The following C9orf85 variants were observed in gnomAD, a reference collection of about 807,000 sequenced individuals.
The protein encoded by C9orf85 is uncharacterized protein C9orf85.
Under a neutral mutation model 14.9 loss-of-function variants are expected in C9orf85, and 16 were observed. The ratio of observed to expected loss-of-function variants is 1.08; its 90% confidence interval spans 0.73 to 1.63. The LOEUF (loss-of-function observed/expected upper bound fraction) is 1.63, where lower values mean the gene tolerates loss of function less well. Ranked by LOEUF, C9orf85 falls within the 40% of genes most tolerant of loss-of-function variation. C9orf85 has a pLI of 0.00. For synonymous variants in C9orf85, 45 were observed against 56.8 expected, an observed-to-expected ratio of 0.79 and a Z score of 0.93; for missense variants, 172 against 186.1, an observed-to-expected ratio of 0.92 and a Z score of 0.44.
chr9:71,955,348 G>A (rs552459267), intron 2 of C9orf85, among the ~76,000 whole-genome samples: 2 of 152,094 alleles, frequency 1.3e-5, no homozygotes, highest in Admixed American at 6.6e-5. Flanking sequence ...GTTTAATTGA[G>A]CAAAGAATGA....
At chr9:71,964,336 C>T (rs556832874) in intron 2 of C9orf85, among the ~76,000 whole-genome samples, 1 of 152,188 alleles carries the variant, frequency 6.6e-6, no homozygotes, top group East Asian at 1.9e-4. Context: ...TGGCAACCTG[C>T]TGGGGTCCCC....
At chr9:71,918,226 AGTT>A (rs1257976369) in intron 1 of C9orf85, among the ~76,000 whole-genome samples, 5 of 152,176 alleles carry the variant, frequency 3.3e-5, no homozygotes, top group Non-Finnish European at 4.4e-5. Flanking sequence ...GATGTTTTAA[AGTT>A]CTGTTTTTGT....
At chr9:71,941,142 A>G (rs1821918996) in intron 1 of C9orf85, among the ~76,000 whole-genome samples, 1 of 152,224 alleles carries the variant, frequency 6.6e-6, no homozygotes, top group African/African-American at 2.4e-5. Flanking sequence ...TAAGCTGACG[A>G]TCTTTTTTAA....
chr9:71,974,544 A>G (rs906399310), downstream of C9orf85, among the ~76,000 whole-genome samples: 1 of 152,058 alleles, frequency 6.6e-6, no homozygotes, highest in Admixed American at 6.6e-5. Context: ...CATCTGGCCC[A>G]TAGTTTGTTT....
intron 2 of C9orf85, among the ~76,000 whole-genome samples, chr9:71,955,712 T>C (rs1822365204): frequency 6.6e-6 from 1 of 152,178 alleles, no homozygotes; most frequent in South Asian, 2.1e-4. Flanking sequence ...CCCAGGCAGC[T>C]TTAGGCCAAA....
chr9:71,930,340 A>G (rs1366785287), intron 1 of C9orf85, among the ~76,000 whole-genome samples: 1 of 152,138 alleles, frequency 6.6e-6, no homozygotes, highest in Non-Finnish European at 1.5e-5. Context: ...TCATGCATAT[A>G]GCTATATTTC....
intron 1 of C9orf85, among the ~76,000 whole-genome samples, chr9:71,935,722 G>A (rs969843901): frequency 6.6e-6 from 1 of 152,014 alleles, no homozygotes; most frequent in Non-Finnish European, 1.5e-5. Flanking sequence ...TGGAATGATC[G>A]TTGCCAGGGG....
intron 2 of C9orf85, among the ~76,000 whole-genome samples, chr9:71,951,096 G>A (rs1255337742): frequency 6.6e-6 from 1 of 152,090 alleles, no homozygotes; most frequent in African/African-American, 2.4e-5. Context: ...AATATTGCAT[G>A]TTTCTCTTTT....
At chr9:71,947,155 T>C in intron 2 of C9orf85, 43 bp downstream of exon 2, 1 of 1,254,318 alleles carries the variant, frequency 8.0e-7, no homozygotes, top group Middle Eastern at 2.0e-4. Flanking sequence ...GGTATATGTA[T>C]CATAGTTTAT....
chr9:71,982,547 C>T (rs960476439), intron 3 of C9orf85: 4 of 354,430 alleles, frequency 1.1e-5, no homozygotes, highest in African/African-American at 2.3e-5. Context: ...AAGATCCTCG[C>T]CAACACTTGT....
intron 1 of C9orf85, among the ~76,000 whole-genome samples, chr9:71,931,155 T>C (rs1054431815): frequency 6.6e-6 from 1 of 152,216 alleles, no homozygotes; most frequent in African/African-American, 2.4e-5. Context: ...ATTAAGGGAC[T>C]TTAGTCATAC....
chr9:71,942,010 C>G (rs1474609412), intron 1 of C9orf85: 1 of 152,150 alleles, frequency 6.6e-6, no homozygotes, highest in African/African-American at 2.4e-5. Context: ...CTGTTTTCTG[C>G]AAGTTTGACA....
At chr9:71,968,266 CT>C (rs112427399) in intron 2 of C9orf85, among the ~76,000 whole-genome samples, 21 of 150,046 alleles carry the variant, frequency 1.4e-4, no homozygotes, top group African/African-American at 4.2e-4. Flanking sequence ...TTCTTGTTTG[CT>C]TTTTTTTTGT....
At chr9:71,936,632 T>C (rs929148677) in intron 1 of C9orf85, among the ~76,000 whole-genome samples, 1 of 152,208 alleles carries the variant, frequency 6.6e-6, no homozygotes, top group Non-Finnish European at 1.5e-5. Context: ...TAGTTAATAA[T>C]GAAGATAGTT....
intron 1 of C9orf85, among the ~76,000 whole-genome samples, chr9:71,917,075 G>A (rs992516293): frequency 2.0e-5 from 3 of 152,178 alleles, no homozygotes; most frequent in Admixed American, 1.3e-4. Context: ...TTGGTTGGAT[G>A]GGATCTGTGG....
At chr9:71,948,454 C>G (rs908977692) in intron 2 of C9orf85, among the ~76,000 whole-genome samples, 6 of 152,104 alleles carry the variant, frequency 3.9e-5, no homozygotes, top group Admixed American at 2.6e-4. Context: ...TTCTGTACTC[C>G]GTTTTGGAGC....
intron 2 of C9orf85, among the ~76,000 whole-genome samples, chr9:71,964,316 C>G (rs1289547305): frequency 1.3e-5 from 2 of 152,072 alleles, no homozygotes; most frequent in Non-Finnish European, 2.9e-5. Flanking sequence ...CAGGCTGCCC[C>G]AGCCAGCAGT....
chr9:71,929,218 A>G (rs954762200), intron 1 of C9orf85, among the ~76,000 whole-genome samples: 4 of 152,166 alleles, frequency 2.6e-5, no homozygotes, highest in Non-Finnish European at 4.4e-5. Context: ...TGTTTGTAAG[A>G]CTTAACTCCA....
intron 3 of C9orf85, among the ~76,000 whole-genome samples, chr9:71,981,898 A>C (rs765430275): frequency 6.8e-4 from 104 of 152,316 alleles, no homozygotes; most frequent in Non-Finnish European, 1.3e-3. Context: ...AAAATGCTTT[A>C]TCGAGGCATA....
Sources: gnomAD v4.1 joint callset for allele counts (sites outside exome capture counted in the v4.1 genomes callset) on GRCh38, gnomAD v4.1.1 for gene constraint, MANE v1.5 for transcripts, NCBI Gene and HGNC (gene_info 2026-07-23, HGNC 2026-07-21) for gene names.